RGS7: variants seen among roughly 807,000 people sequenced by gnomAD.
RGS7 encodes regulator of G-protein signaling 7.
RGS7 carries 27 observed loss-of-function variants against 81.1 expected under a neutral mutation model. The observed-to-expected ratio is 0.33, with a 90% confidence interval of 0.25 to 0.46. The LOEUF is 0.46. Among genes scored for constraint, RGS7 ranks in the 20% least tolerant of loss-of-function variants. The pLI, the probability that RGS7 is intolerant of heterozygous loss-of-function variation, is 1.00. For missense variants in RGS7, 396 were observed against 607.4 expected (o/e 0.65, Z 3.66); for synonymous variants, 208 against 207.7 (o/e 1.00, Z -0.01).
At chr1:241,112,363 T>C (rs902545626) in intron 2 of RGS7, among the ~76,000 whole-genome samples, 9 of 152,116 alleles carry the variant, frequency 5.9e-5, no homozygotes, top group African/African-American at 9.7e-5. Context: ...CCACCGTATA[T>C]ATGATAGTGC....
At chr1:241,258,462 C>A (rs1034577163) in intron 2 of RGS7, among the ~76,000 whole-genome samples, 1 of 152,094 alleles carries the variant, frequency 6.6e-6, no homozygotes, top group Non-Finnish European at 1.5e-5. Context: ...GCAATTAATT[C>A]GGTTACATAT....
At position 240,868,279 on chromosome 1, in the gene RGS7, A is replaced by T. The variant is rs575422265; in HGVS notation, c.609+308T>A. On this transcript the variant is annotated intron_variant, in intron 9 of 18. Coordinates refer to ENST00000440928, the MANE Select transcript of RGS7 (RefSeq NM_001364886.1). The surrounding 1 kb of genome is among the most constrained non-coding windows in gnomAD (Gnocchi z 5.1). ...GCCAGAAAAATGTAAACAATAAAAC[A>T]TGAAAAACTGTTTTGTTGCAGTAGT... is the stretch of plus-strand genomic sequence containing the variant. 4.9e-4 allele frequency among the ~76,000 whole-genome samples: 74 copies of T among 152,342 alleles called. No homozygotes were observed. The highest frequency in any genetic ancestry group is 1.8e-3 in the African/African-American group (73 of 41,586).
At chr1:241,035,094 A>C (rs2060260326) in intron 3 of RGS7, among the ~76,000 whole-genome samples, 1 of 152,204 alleles carries the variant, frequency 6.6e-6, no homozygotes, top group Non-Finnish European at 1.5e-5. Flanking sequence ...TGTAACTCTC[A>C]GGATACAATG....
At chr1:241,296,432 G>A (rs2079430041) in intron 2 of RGS7, among the ~76,000 whole-genome samples, 1 of 152,178 alleles carries the variant, frequency 6.6e-6, no homozygotes, top group South Asian at 2.1e-4. Flanking sequence ...TAGTGATTAG[G>A]CGCTCAAGTG....
intron 2 of RGS7, among the ~76,000 whole-genome samples, chr1:241,106,229 GCTT>G (rs1377697218): frequency 1.3e-5 from 2 of 152,108 alleles, no homozygotes; most frequent in Admixed American, 6.6e-5. Flanking sequence ...AATTAAAGCT[GCTT>G]CTAATTGATA....
At chr1:241,044,056 C>CTCA (rs1346536023) in intron 3 of RGS7, among the ~76,000 whole-genome samples, 1 of 151,584 alleles carries the variant, frequency 6.6e-6, no homozygotes, top group Admixed American at 6.6e-5. Flanking sequence ...AACATCTTGC[C>CTCA]TCATCTTGAT....
At chr1:240,952,256 T>C (rs1293012743) in intron 4 of RGS7, among the ~76,000 whole-genome samples, 1 of 152,086 alleles carries the variant, frequency 6.6e-6, no homozygotes, top group East Asian at 1.9e-4. Flanking sequence ...TTATTCTTAG[T>C]TTATCTAAAA....
chr1:241,040,651 C>A (rs746605767), intron 3 of RGS7, among the ~76,000 whole-genome samples: 14 of 151,928 alleles, frequency 9.2e-5, no homozygotes, highest in African/African-American at 1.5e-4. Flanking sequence ...ACACCATACC[C>A]GGCTAATTTT....
chr1:240,929,707 C>T (rs2148339869), intron 6 of RGS7, among the ~76,000 whole-genome samples: 1 of 152,314 alleles, frequency 6.6e-6, no homozygotes, highest in East Asian at 1.9e-4. Flanking sequence ...ATTATGCCAG[C>T]TCCTCTACCT....
intron 18 of RGS7, among the ~76,000 whole-genome samples, chr1:240,793,611 A>ATATATATATATATATAT: frequency 7.6e-5 from 6 of 78,812 alleles, no homozygotes; most frequent in South Asian, 4.2e-4. Context: ...ATATATATAT[A>ATATATATATATATATAT]TTTTTTTTTT....
chr1:240,968,549 TA>T (rs10699651), intron 4 of RGS7, among the ~76,000 whole-genome samples: 5 of 148,770 alleles, frequency 3.4e-5, no homozygotes, highest in African/African-American at 9.9e-5. Context: ...ACTGCAAAAT[TA>T]AAAAAAAAAA....
intron 2 of RGS7, among the ~76,000 whole-genome samples, chr1:241,334,196 A>T (rs2082119788): frequency 6.6e-6 from 1 of 152,150 alleles, no homozygotes; most frequent in Non-Finnish European, 1.5e-5. Context: ...GCTTTTTCAC[A>T]ATTCTTAGCT....
chr1:240,813,758 T>C lies in RGS7; in HGVS notation c.846-30A>G, dbSNP rs1480677250. On this transcript the variant is annotated intron_variant, in intron 12 of 18. Coordinates refer to ENST00000440928, the MANE Select transcript of RGS7 (RefSeq NM_001364886.1). ...GGAGAAAAAACATTTCCAGTTTCTT[T>C]AGTTTTCTGACTGGGGTTGCAGCCA... 3.4e-6 allele frequency: 5 copies of C among 1,461,452 alleles called. No individual in the cohort carries two copies. In the African/African-American group the frequency reaches 5.6e-5, roughly 16 times the overall value. 90.5% of individuals were successfully genotyped at this position (1,461,452 alleles called of 1,614,324 possible).
At chr1:240,935,333 C>T (rs778769606) in intron 5 of RGS7, among the ~76,000 whole-genome samples, 3 of 152,170 alleles carry the variant, frequency 2.0e-5, no homozygotes, top group Non-Finnish European at 2.9e-5. Flanking sequence ...TTGCTGATCA[C>T]CAATAATTCC....
At chr1:240,920,978 C>T (rs1673433737) in intron 6 of RGS7, among the ~76,000 whole-genome samples, 1 of 149,378 alleles carries the variant, frequency 6.7e-6, no homozygotes, top group African/African-American at 2.5e-5. Context: ...TAAAGTTAGT[C>T]TGCTCTGAAG....
intron 10 of RGS7, among the ~76,000 whole-genome samples, chr1:240,819,331 T>C (rs1205030063): frequency 6.6e-6 from 1 of 152,224 alleles, no homozygotes; most frequent in Non-Finnish European, 1.5e-5. Context: ...AAAAGACTGC[T>C]AGAAAAACAC....
chr1:240,973,555 C>T (rs1345002311), intron 4 of RGS7, among the ~76,000 whole-genome samples: 1 of 151,996 alleles, frequency 6.6e-6, no homozygotes, highest in Admixed American at 6.6e-5. Flanking sequence ...AAGCATAAAA[C>T]ACTTTATAAG....
chr1:241,060,976 G>T (rs1299988086), intron 3 of RGS7, among the ~76,000 whole-genome samples: 1 of 152,216 alleles, frequency 6.6e-6, no homozygotes, highest in East Asian at 1.9e-4. Flanking sequence ...TGGGTCACCT[G>T]CCCCTCAGGC....
intron 3 of RGS7, among the ~76,000 whole-genome samples, chr1:241,029,265 T>C (rs1182980210): frequency 6.6e-6 from 1 of 152,182 alleles, no homozygotes; most frequent in East Asian, 1.9e-4. Context: ...TTACACCCAC[T>C]TTCTTTTAGC....
Sources: gnomAD v4.1 joint callset for allele counts (sites outside exome capture counted in the v4.1 genomes callset) on GRCh38, gnomAD v4.1.1 for gene constraint, Gnocchi (gnomAD v3.1) non-coding constraint, MANE v1.5 for transcripts, NCBI Gene and HGNC (gene_info 2026-07-23, HGNC 2026-07-21) for gene names.